The following SPATA6 variants were observed in gnomAD, a reference collection of about 807,000 sequenced individuals.
SPATA6 encodes the protein spermatogenesis associated 6.
In SPATA6, 56 loss-of-function variants were observed where a neutral mutation model predicts 65.3. The observed-to-expected ratio is 0.86, with a 90% confidence interval of 0.69 to 1.07. The LOEUF (loss-of-function observed/expected upper bound fraction) is 1.07. Among genes scored for constraint, SPATA6 ranks in the 50% least tolerant of loss-of-function variants. The pLI, the probability that SPATA6 is intolerant of heterozygous loss-of-function variation, is 0.00. For missense variants in SPATA6, 590 were observed against 594.8 expected (o/e 0.99, Z 0.08); for synonymous variants, 199 against 213.2 (o/e 0.93, Z 0.58).
In SPATA6 at chr1:48,315,564, C is replaced by T. The variant is rs963533093; in HGVS notation, c.1195-9686G>A. Among the ~76,000 whole-genome samples, 11 of 152,218 alleles carry T rather than the reference C, an allele frequency of 7.2e-5. No homozygotes were observed. In the East Asian group the frequency reaches 2.1e-3, roughly 29 times the overall value. On this transcript the variant is annotated intron_variant, in intron 11 of 12. Transcript: ENST00000371847. ...TCAAAATAATAAGAGCTATCTATGA[C>T]AAACCCACAGCCAATATCATACTGA...
In SPATA6 at chr1:48,383,479, AC is replaced by A. The variant is rs1204966649; in HGVS notation, c.909+1829del. Among the ~76,000 whole-genome samples the A allele has an allele frequency of 2.2e-4, 5 of 22,382 alleles. 2 individuals are homozygous for A. The highest frequency in any genetic ancestry group is 2.9e-4 in the Non-Finnish European group (3 of 10,398). 14.7% of individuals were successfully genotyped at this position (22,382 alleles called of 152,430 possible). A position where few individuals can be genotyped will look rare whatever the true frequency, so the allele number is the denominator to read the frequency against. Reference sequence around the variant, plus strand: ...GGGGCGGCTGGCCGGCGGGGGGCTGACCCCCCCCACCTCCCTCCCGGACGGG... The same window carrying A: ...GGGGCGGCTGGCCGGCGGGGGGCTGACCCCCCCACCTCCCTCCCGGACGGG... On this transcript the variant is annotated intron_variant, in intron 9 of 12. Transcript: ENST00000371847.
chr1:48,436,507 A>G lies in SPATA6; in HGVS notation c.238+15045T>C, dbSNP rs997287307. On this transcript the variant is annotated intron_variant, in intron 3 of 12. Coordinates refer to ENST00000371847, the MANE Select transcript of SPATA6 (RefSeq NM_019073.4). Reference sequence around the variant, plus strand: ...GAACTATCTGTACCAAAATGGCTGTATTCACAGGAGTATTAAAGCCAGCCA... The same window carrying G: ...GAACTATCTGTACCAAAATGGCTGTGTTCACAGGAGTATTAAAGCCAGCCA... The G allele has an allele frequency of 8.1e-6, 13 of 1,611,680 alleles. No individual in the cohort carries two copies. The African/African-American group carries it at 1.1e-4, about 13-fold the overall frequency.
At chr1:48,269,026 G>A in the SPATA6 span, among the ~76,000 whole-genome samples, 1 of 152,062 alleles carries the variant, frequency 6.6e-6, no homozygotes, top group Non-Finnish European at 1.5e-5. Flanking sequence ...CCACATTACA[G>A]ACTCTAAGCC....
chr1:48,436,929 A>G, intron 3 of SPATA6: 1 of 1,613,448 alleles, frequency 6.2e-7, no homozygotes, highest in South Asian at 1.1e-5. Context: ...TCTCCAGTGG[A>G]ACTCACACAG....
At chr1:48,368,275 G>A (rs1288084777) in intron 9 of SPATA6, among the ~76,000 whole-genome samples, 1 of 152,018 alleles carries the variant, frequency 6.6e-6, no homozygotes, top group Admixed American at 6.5e-5. Flanking sequence ...TATGTGTCTT[G>A]GAGTTGCTCT....
At chr1:48,377,978 T>C (rs1648114295) in intron 9 of SPATA6, among the ~76,000 whole-genome samples, 1 of 152,202 alleles carries the variant, frequency 6.6e-6, no homozygotes, top group Admixed American at 6.5e-5. Context: ...TTTTCCATCA[T>C]CTTCCACCAT....
chr1:48,315,840 A>C (rs914993224), intron 11 of SPATA6, among the ~76,000 whole-genome samples: 2 of 152,344 alleles, frequency 1.3e-5, no homozygotes, highest in Admixed American at 6.5e-5. Context: ...ACGTCAGCAA[A>C]GTTTCAGGAT....
chr1:48,362,045 T>C (rs577705062), intron 9 of SPATA6, among the ~76,000 whole-genome samples: 84 of 152,044 alleles, frequency 5.5e-4, no homozygotes, highest in Middle Eastern at 3.4e-3. Context: ...AAAAACACAG[T>C]AAAACTTAAA....
intron 8 of SPATA6, among the ~76,000 whole-genome samples, chr1:48,394,919 A>G (rs1476445169): frequency 2.0e-5 from 3 of 152,050 alleles, no homozygotes; most frequent in African/African-American, 7.2e-5. Context: ...ACGTAATTAA[A>G]ATTACTTGGT....
intron 11 of SPATA6, chr1:48,325,777 T>C (rs1437590148): frequency 4.3e-6 from 2 of 462,024 alleles, no homozygotes; most frequent in African/African-American, 4.0e-5. Context: ...ATGCGTCAAA[T>C]GAGACCCTGG....
At chr1:48,442,930 A>T (rs1329280197) in intron 3 of SPATA6, among the ~76,000 whole-genome samples, 2 of 152,162 alleles carry the variant, frequency 1.3e-5, no homozygotes, top group Non-Finnish European at 2.9e-5. Flanking sequence ...TTAACCCAGC[A>T]GGTTTCCTAG....
chr1:48,371,603 C>A (rs558213852), intron 9 of SPATA6, among the ~76,000 whole-genome samples: 146 of 152,246 alleles, frequency 9.6e-4, no homozygotes, highest in African/African-American at 3.4e-3. Flanking sequence ...AGAAATTATA[C>A]AAAACTGCCC....
At chr1:48,330,035 G>A (rs1212148986) in intron 11 of SPATA6, among the ~76,000 whole-genome samples, 1 of 152,190 alleles carries the variant, frequency 6.6e-6, no homozygotes, top group Non-Finnish European at 1.5e-5. Flanking sequence ...ACCCAATAGA[G>A]GCTGCAGTCA....
intron 11 of SPATA6, among the ~76,000 whole-genome samples, chr1:48,315,203 T>A (rs541427748): frequency 6.6e-6 from 1 of 152,168 alleles, no homozygotes; most frequent in Non-Finnish European, 1.5e-5. Context: ...GAGGCGAGCA[T>A]CATCCTGATA....
At chr1:48,310,615 C>G (rs1286006430) in intron 11 of SPATA6, among the ~76,000 whole-genome samples, 1 of 152,078 alleles carries the variant, frequency 6.6e-6, no homozygotes, top group African/African-American at 2.4e-5. Flanking sequence ...AAAACAGAAC[C>G]AACAGGATGT....
At chr1:48,287,605 C>T in the SPATA6 span, among the ~76,000 whole-genome samples, 1 of 152,186 alleles carries the variant, frequency 6.6e-6, no homozygotes, top group South Asian at 2.1e-4. Flanking sequence ...TGGGGCCTCT[C>T]CCTTCTCTCT....
At chr1:48,331,755 C>T (rs1000111746) in intron 11 of SPATA6, among the ~76,000 whole-genome samples, 2 of 152,146 alleles carry the variant, frequency 1.3e-5, no homozygotes, top group Non-Finnish European at 2.9e-5. Flanking sequence ...AGAAGATCAT[C>T]CCCAAGACAT....
rs772708818 is a variant in SPATA6, at chr1:48,320,580, C to T, written c.1195-14702G>A. Among the ~76,000 whole-genome samples, 86 of 152,268 alleles carry T rather than the reference C, an allele frequency of 5.6e-4. 1 individual carries two copies. The highest frequency in any genetic ancestry group is 4.6e-4 in the Non-Finnish European group (31 of 68,016). On this transcript the variant is annotated intron_variant, in intron 11 of 12. Transcript: ENST00000371847. The stretch of plus-strand genomic sequence containing the variant: ...CAGACAAACAAGAGCTGAGGGACTT[C>T]GTCAACAGCAGACCTGTCCTATGAG...
chr1:48,311,130 A>T (rs1032077223), intron 11 of SPATA6, among the ~76,000 whole-genome samples: 13 of 152,166 alleles, frequency 8.5e-5, no homozygotes, highest in Non-Finnish European at 1.9e-4. Context: ...GAAGACCTCA[A>T]ATCAATAACC....
Sources: gnomAD v4.1 joint callset for allele counts (sites outside exome capture counted in the v4.1 genomes callset) on GRCh38, gnomAD v4.1.1 for gene constraint, MANE v1.5 for transcripts, NCBI Gene and HGNC (gene_info 2026-07-23, HGNC 2026-07-21) for gene names.